The following ZNF804B variants were observed in gnomAD, a reference collection of about 807,000 sequenced individuals.
ZNF804B encodes zinc finger 804B.
A neutral mutation model predicts 101.4 loss-of-function variants in ZNF804B; 80 were observed. The observed-to-expected ratio is 0.79, with a 90% CI of 0.66 to 0.95. The LOEUF (loss-of-function observed/expected upper bound fraction) is 0.95, where lower values mean the gene tolerates loss of function less well. ZNF804B is among the 40% of genes least tolerant of loss of function. ZNF804B has a pLI of 0.00. For synonymous variants in ZNF804B, 622 were observed against 558.8 expected, an observed-to-expected ratio of 1.11 and a Z score of -1.59; for missense variants, 1,673 against 1,561.9, an observed-to-expected ratio of 1.07 and a Z score of -1.20.
chr7:89,176,213 C>T (rs1016247511), intron 1 of ZNF804B, among the ~76,000 whole-genome samples: 6 of 151,936 alleles, frequency 3.9e-5, no homozygotes, highest in Admixed American at 1.3e-4. Flanking sequence ...GGTGTATGGT[C>T]TGTATATGGG....
chr7:89,195,082 C>G (rs1788525231), intron 1 of ZNF804B, among the ~76,000 whole-genome samples: 1 of 151,286 alleles, frequency 6.6e-6, no homozygotes, highest in Admixed American at 6.6e-5. Flanking sequence ...GAACCAAAGA[C>G]AAAAACCACA....
At chr7:88,769,844 T>C (rs564465067) in intron 1 of ZNF804B, among the ~76,000 whole-genome samples, 38 of 152,270 alleles carry the variant, frequency 2.5e-4, no homozygotes, top group African/African-American at 7.7e-4. Flanking sequence ...TTGTTAGCAA[T>C]TGTCCCTTCT....
At chr7:88,770,946 C>A (rs976705124) in intron 1 of ZNF804B, among the ~76,000 whole-genome samples, 2 of 152,116 alleles carry the variant, frequency 1.3e-5, no homozygotes, top group Admixed American at 1.3e-4. Flanking sequence ...ATTCGAAATG[C>A]TTTACTACAC....
At chr7:89,049,885 G>A (rs950395941) in intron 1 of ZNF804B, among the ~76,000 whole-genome samples, 4 of 152,070 alleles carry the variant, frequency 2.6e-5, no homozygotes, top group Non-Finnish European at 5.9e-5. Context: ...GGTGGCATGT[G>A]CCTGTAGTCC....
In ZNF804B at chr7:89,136,455, C is replaced by G. The variant is rs117379024; in HGVS notation, c.109-81700C>G. On this transcript the variant is annotated intron_variant, in intron 1 of 3. Transcript: ENST00000333190. Reference sequence around the variant, plus strand: ...ACATTTTTGTGCATTTATCACTACTCTCTATGTCAAGAAATTTTTCATCTT... The same window carrying G: ...ACATTTTTGTGCATTTATCACTACTGTCTATGTCAAGAAATTTTTCATCTT... Among the ~76,000 whole-genome samples the G allele has an allele frequency of 2.3e-3, 357 of 152,168 alleles. 1 individual carries two copies. The highest frequency in any genetic ancestry group is 4.4e-3 in the Non-Finnish European group (296 of 67,984).
At chr7:88,990,435 CTT>C (rs1024702979) in intron 1 of ZNF804B, among the ~76,000 whole-genome samples, 2 of 152,032 alleles carry the variant, frequency 1.3e-5, no homozygotes, top group African/African-American at 4.8e-5. Context: ...CTGTTAAACT[CTT>C]TTTGCAGATT....
intron 2 of ZNF804B, among the ~76,000 whole-genome samples, chr7:89,296,015 G>A (rs1191111398): frequency 6.6e-6 from 1 of 152,044 alleles, no homozygotes; most frequent in Non-Finnish European, 1.5e-5. Context: ...GGGTGGAAGA[G>A]GGAACGGATA....
At chr7:89,029,622 ATG>A (rs1044642857) in intron 1 of ZNF804B, among the ~76,000 whole-genome samples, 3 of 152,112 alleles carry the variant, frequency 2.0e-5, no homozygotes, top group African/African-American at 7.2e-5. Context: ...TATACTAAAG[ATG>A]TAGATGTTTG....
chr7:88,939,520 G>T (rs1477716701), intron 1 of ZNF804B, among the ~76,000 whole-genome samples: 1 of 151,730 alleles, frequency 6.6e-6, no homozygotes, highest in Non-Finnish European at 1.5e-5. Context: ...CAATTAAAAA[G>T]TAATAATAAA....
intron 2 of ZNF804B, among the ~76,000 whole-genome samples, chr7:89,267,716 A>G (rs2115829659): frequency 6.6e-6 from 1 of 152,248 alleles, no homozygotes; most frequent in Non-Finnish European, 1.5e-5. Flanking sequence ...TAATAGAAGG[A>G]TGTTTTTGCT....
In ZNF804B at chr7:88,760,034, A is replaced by T; in HGVS notation, c.58A>T (p.Ile20Phe). Residue 20 changes from isoleucine to phenylalanine, a missense_variant, in exon 1 of 4, where the codon ATT becomes TTT. Coordinates refer to ENST00000333190, the MANE Select transcript of ZNF804B (RefSeq NM_181646.5). ...TCTCAGCAATGGGCACTACCGGGGC[A>T]TTAAAGGAGTCTTCAGGGGACCCCT... is the stretch of plus-strand genomic sequence containing the variant. ...RHLSNGHYRG[I>F]KGVFRGPLCK... 6.2e-7 allele frequency: 1 copy of T among 1,614,216 alleles called. No individual in the cohort carries two copies. Among genetic ancestry groups the T allele is most frequent in the South Asian group, 1.1e-5 (1 of 91,074 alleles).
intron 1 of ZNF804B, among the ~76,000 whole-genome samples, chr7:89,212,290 A>C (rs1023563): frequency 0.062 from 6,026 of 97,018 alleles, 142 homozygotes; most frequent in Non-Finnish European, 0.081. Flanking sequence ...CACACACACA[A>C]ACAGACTGCA....
chr7:88,890,814 G>A (rs776178579), intron 1 of ZNF804B, among the ~76,000 whole-genome samples: 1 of 151,932 alleles, frequency 6.6e-6, no homozygotes, highest in Non-Finnish European at 1.5e-5. Flanking sequence ...AATAACATTT[G>A]AGTTGATTCC....
At chr7:89,191,756 A>G (rs576442122) in intron 1 of ZNF804B, among the ~76,000 whole-genome samples, 1 of 152,242 alleles carries the variant, frequency 6.6e-6, no homozygotes, top group African/African-American at 2.4e-5. Context: ...ACCAGGACAA[A>G]CAGCCTGTAT....
intron 1 of ZNF804B, among the ~76,000 whole-genome samples, chr7:89,096,369 G>C (rs190715716): frequency 5.1e-4 from 78 of 152,204 alleles, no homozygotes; most frequent in Non-Finnish European, 1.0e-3. Context: ...TAATCATAAA[G>C]GAAAGAGTTG....
At chr7:89,221,369 C>T (rs1324591915) in intron 2 of ZNF804B, among the ~76,000 whole-genome samples, 1 of 151,798 alleles carries the variant, frequency 6.6e-6, no homozygotes, top group African/African-American at 2.4e-5. Context: ...AAATAAAAGA[C>T]CAGGAAAGGT....
intron 1 of ZNF804B, among the ~76,000 whole-genome samples, chr7:88,804,311 A>G (rs568083688): frequency 4.0e-4 from 61 of 152,222 alleles, no homozygotes; most frequent in Non-Finnish European, 6.2e-4. Flanking sequence ...TTACCTATTA[A>G]AAACTAGCAT....
intron 1 of ZNF804B, among the ~76,000 whole-genome samples, chr7:89,101,388 A>G (rs1214948501): frequency 6.6e-6 from 1 of 152,038 alleles, no homozygotes; most frequent in Admixed American, 6.6e-5. Flanking sequence ...TCAAAGTGAT[A>G]TTCTCTATTT....
At chr7:89,027,851 G>T (rs1269118982) in intron 1 of ZNF804B, among the ~76,000 whole-genome samples, 3 of 152,088 alleles carry the variant, frequency 2.0e-5, no homozygotes, top group Non-Finnish European at 4.4e-5. Flanking sequence ...TATATTACTT[G>T]GTGCAAGTGC....
Sources: gnomAD v4.1 joint callset for allele counts (sites outside exome capture counted in the v4.1 genomes callset) on GRCh38, gnomAD v4.1.1 for gene constraint, MANE v1.5 for transcripts, NCBI Gene and HGNC (gene_info 2026-07-23, HGNC 2026-07-21) for gene names.